The following ZBED6 variants were observed in gnomAD, a reference collection of about 807,000 sequenced individuals.
ZBED6 encodes zinc finger BED-type containing 6.
Under a neutral mutation model 58.4 loss-of-function variants are expected in ZBED6, and 40 were observed. The ratio of observed to expected loss-of-function variants is 0.68; its 90% CI spans 0.53 to 0.89. ZBED6 has a LOEUF of 0.89. Among genes scored for constraint, ZBED6 ranks in the 40% least tolerant of loss-of-function variants. The probability of loss-of-function intolerance (pLI) is 0.00; values close to 1 mark genes in which losing one functional copy is unlikely to be tolerated. For synonymous variants in ZBED6, 439 were observed against 350.6 expected, an observed-to-expected ratio of 1.25 and a Z score of -2.82; for missense variants, 1,057 against 1,003.9, an observed-to-expected ratio of 1.05 and a Z score of -0.71.
At chr1:203,840,010 G>A (rs929979401) in intron 10 of ZBED6, among the ~76,000 whole-genome samples, 1 of 151,950 alleles carries the variant, frequency 6.6e-6, no homozygotes, top group Non-Finnish European at 1.5e-5. Context: ...CACCATGTTG[G>A]CCAGGCTGGT....
chr1:203,837,112 T>C (rs1448978241), intron 9 of ZBED6, among the ~76,000 whole-genome samples: 1 of 151,924 alleles, frequency 6.6e-6, no homozygotes, highest in African/African-American at 2.4e-5. Flanking sequence ...CTGGGCAACA[T>C]GGCAAACCCT....
exon 1 of ZBED6, chr1:203,797,515 T>G (rs1273996087): frequency 6.7e-7 from 1 of 1,487,036 alleles, no homozygotes. Flanking sequence ...TGTGGAGACA[T>G]AAAGAGAATG....
At chr1:203,827,301 A>G (rs1680832144) in intron 3 of ZBED6, among the ~76,000 whole-genome samples, 1 of 151,922 alleles carries the variant, frequency 6.6e-6, no homozygotes. Context: ...TTTCTAGGAC[A>G]TACATCCTAT....
At chr1:203,819,032 G>A (rs1438148347) in intron 3 of ZBED6, among the ~76,000 whole-genome samples, 1 of 148,800 alleles carries the variant, frequency 6.7e-6, no homozygotes, top group Non-Finnish European at 1.5e-5. Flanking sequence ...TCGCACCACT[G>A]CACTCCAGCC....
Position 203,824,268 on chromosome 1 carries a change from C to G in ZBED6, c.*2874-4031C>G, listed in dbSNP as rs1023941664. On this transcript the variant is annotated intron_variant, in intron 3 of 16. Coordinates refer to ENST00000550078, the Ensembl canonical transcript of ZBED6. ...GGGCTACACAGTAAGACTCCCATCTCAAAATTAAAAAAAAAAAAAAAAGAG... is the reference window on the plus strand; with the variant it reads ...GGGCTACACAGTAAGACTCCCATCTGAAAATTAAAAAAAAAAAAAAAAGAG... Among the ~76,000 whole-genome samples, 6 of 63,278 alleles carry G rather than the reference C, an allele frequency of 9.5e-5. No individual in the cohort carries two copies. In the Middle Eastern group the frequency reaches 0.039, roughly 414 times the overall value. The allele number at this position is 63,278 out of a possible 152,430, so 41.5% of individuals were successfully genotyped here.
At chr1:203,805,258 C>T (rs1455289974) in intron 1 of ZBED6, among the ~76,000 whole-genome samples, 2 of 150,276 alleles carry the variant, frequency 1.3e-5, no homozygotes, top group East Asian at 2.0e-4. Flanking sequence ...TTCAGTCTCC[C>T]GAGAGTAGGA....
chr1:203,821,126 G>A (rs1450004981), intron 3 of ZBED6, among the ~76,000 whole-genome samples: 2 of 152,036 alleles, frequency 1.3e-5, no homozygotes, highest in African/African-American at 2.4e-5. Flanking sequence ...TTTCCCCCAC[G>A]CTATTCTCAT....
exon 12 of ZBED6, chr1:203,847,676 C>A: frequency 6.2e-7 from 1 of 1,612,112 alleles, no homozygotes; most frequent in South Asian, 1.1e-5. Context: ...CTGCGAATCA[C>A]CAAAAGAACA....
intron 1 of ZBED6, among the ~76,000 whole-genome samples, chr1:203,805,143 A>ATT (rs148879848): frequency 1.5e-5 from 2 of 131,404 alleles, no homozygotes; most frequent in African/African-American, 5.7e-5. Flanking sequence ...TACAGTAGTG[A>ATT]TTTTTTTTTT....
At chr1:203,811,840 A>G (rs958641522) in intron 1 of ZBED6, among the ~76,000 whole-genome samples, 2 of 145,894 alleles carry the variant, frequency 1.4e-5, no homozygotes, top group African/African-American at 2.5e-5. Context: ...TTTTTTTTAG[A>G]CAGGTCTCAC....
chr1:203,834,040 G>A, intron 9 of ZBED6, 187 bp downstream of exon 9: 3 of 1,258,666 alleles, frequency 2.4e-6, no homozygotes, highest in South Asian at 3.0e-5. Context: ...GATTTAAAGT[G>A]TTACAATTGA....
Position 203,852,035 on chromosome 1 carries a change from A to G in ZBED6, c.*4874-106A>G, listed in dbSNP as rs541545073. On this transcript the variant is annotated intron_variant, in intron 16 of 16. Coordinates refer to ENST00000550078, the Ensembl canonical transcript of ZBED6. The stretch of plus-strand genomic sequence containing the variant: ...CAGTAAAAGAATTATTTCTTTATGT[A>G]TGTTCTTAAAAACAAATTTTTGCTC... The G allele has an allele frequency of 7.4e-4, 593 of 800,262 alleles. 9 individuals carry two copies. In the South Asian group the frequency reaches 9.4e-3, roughly 13 times the overall value. The allele number at this position is 800,262 out of a possible 1,614,324, so 49.6% of individuals were successfully genotyped here. A position where few individuals can be genotyped will look rare whatever the true frequency, so the allele number is the denominator to read the frequency against.
exon 1 of ZBED6, chr1:203,798,529 A>G: frequency 6.5e-7 from 1 of 1,536,162 alleles, no homozygotes; most frequent in Non-Finnish European, 8.7e-7. Context: ...GATGAAGCTG[A>G]GACTGAGAGA....
At chr1:203,838,687 A>G (rs754467853) in intron 10 of ZBED6, among the ~76,000 whole-genome samples, 37 of 152,226 alleles carry the variant, frequency 2.4e-4, no homozygotes, top group South Asian at 6.2e-4. Context: ...ACGGTAGGTC[A>G]TGCCTGTAAT....
intron 1 of ZBED6, among the ~76,000 whole-genome samples, chr1:203,811,976 T>C (rs1428872256): frequency 2.0e-5 from 3 of 151,822 alleles, no homozygotes; most frequent in Non-Finnish European, 4.4e-5. Context: ...CCACCATGCT[T>C]GGCTAATTTT....
exon 1 of ZBED6, chr1:203,800,239 T>G (rs1309373862): frequency 2.4e-6 from 3 of 1,262,414 alleles, no homozygotes; most frequent in Non-Finnish European, 3.3e-6. Context: ...ATCCAGTATC[T>G]AAGTTGCCCC....
chr1:203,801,532 ATAAC>A (rs1670556569), exon 1 of ZBED6: 1 of 152,614 alleles, frequency 6.6e-6, no homozygotes, highest in African/African-American at 2.4e-5. Flanking sequence ...TTCAGACTGA[ATAAC>A]TAATGTGAGA....
rs1346237895 is a variant in ZBED6 at position 203,809,208 on chromosome 1, C to T, written c.*2554+6192C>T. On this transcript the variant is annotated intron_variant, in intron 1 of 16. Transcript: ENST00000550078. ...TTTTTTTTTTTGAGATGGAGTCTTG[C>T]TTTGTCTCCCAGGCTGGAGTGCAGT... 2.9e-4 allele frequency among the ~76,000 whole-genome samples: 26 copies of T among 89,828 alleles called. No individual in the cohort carries two copies. The Admixed American group carries it at 3.2e-3, about 11-fold the overall frequency. The allele number at this position is 89,828 out of a possible 152,430, so 58.9% of individuals were successfully genotyped here.
At position 203,796,245 on chromosome 1, in the gene ZBED6, C is replaced by G. The variant is rs1668454543; in HGVS notation, c.-1278C>G. ...GCGGACCCTCACTGCCTAAATCAAT[C>G]AGACTGAGTGCCGGGCGCTGAATTT... On this transcript the variant is annotated 5_prime_UTR_variant, in exon 1 of 17. It adds an upstream start codon to the 5' untranslated region. Transcript: ENST00000550078. 2.5e-6 allele frequency: 1 copy of G among 394,594 alleles called. No homozygotes were observed. The highest frequency in any genetic ancestry group is 1.4e-4 in the South Asian group (1 of 6,994). The allele number at this position is 394,594 out of a possible 1,614,324, so 24.4% of individuals were successfully genotyped here. A position where few individuals can be genotyped will look rare whatever the true frequency, so the allele number is the denominator to read the frequency against.
Sources: allele counts gnomAD v4.1 joint callset (sites outside exome capture counted in the v4.1 genomes callset), GRCh38; gene constraint gnomAD v4.1.1; transcripts MANE v1.5; gene names NCBI Gene and HGNC (gene_info 2026-07-23, HGNC 2026-07-21).